Variants in LAMB1 observed in about 807,000 individuals in gnomAD.
The protein encoded by LAMB1 is laminin subunit beta 1.
A neutral mutation model predicts 222.3 loss-of-function variants in LAMB1; 121 were observed. The observed-to-expected ratio is 0.54, with a 90% CI of 0.47 to 0.63. The LOEUF is 0.63. Ranked by LOEUF, LAMB1 falls within the 30% of genes least tolerant of loss-of-function variation. The pLI is 0.00. For missense variants in LAMB1, 2,172 were observed against 2,240.8 expected, an observed-to-expected ratio of 0.97 and a Z score of 0.62; for synonymous variants, 794 against 807.2, an observed-to-expected ratio of 0.98 and a Z score of 0.28.
Position 107,940,181 on chromosome 7 carries a change from A to G in LAMB1, c.3569T>C (p.Ile1190Thr), listed in dbSNP as rs149362105. The change falls in exon 25 of 34, where the codon ATT becomes ACT. Residue 1190 changes from isoleucine (I) to threonine (T), a missense_variant. Coordinates refer to ENST00000222399, the MANE Select transcript of LAMB1 (RefSeq NM_002291.3). Reference sequence around the variant, plus strand: ...GTGTGTCCTGTTGGTCAGCTCGGCAATGATCACATCCCAGAGAGCAAAGCA... The same window carrying G: ...GTGTGTCCTGTTGGTCAGCTCGGCAGTGATCACATCCCAGAGAGCAAAGCA... ...HQCFALWDVI[I>T]AELTNRTHRF... 6.2e-6 allele frequency: 10 copies of G among 1,614,132 alleles called. No homozygotes were observed. The highest frequency in any genetic ancestry group is 8.5e-6 in the Non-Finnish European group (10 of 1,180,032).
At chr7:107,997,959 G>T (rs569563979) in intron 4 of LAMB1, among the ~76,000 whole-genome samples, 1 of 152,192 alleles carries the variant, frequency 6.6e-6, no homozygotes, top group South Asian at 2.1e-4. Context: ...AGGCAGTGGG[G>T]GGAGGAGTGG....
At chr7:107,969,315 T>C (rs1457402550) in intron 13 of LAMB1, among the ~76,000 whole-genome samples, 2 of 150,914 alleles carry the variant, frequency 1.3e-5, no homozygotes, top group Non-Finnish European at 2.9e-5. Flanking sequence ...ATCATAAATA[T>C]AGAAATTGGC....
chr7:107,967,141 A>C (rs1411966395), intron 13 of LAMB1, among the ~76,000 whole-genome samples: 1 of 152,182 alleles, frequency 6.6e-6, no homozygotes, highest in African/African-American at 2.4e-5. Flanking sequence ...ATCACCACCC[A>C]CACTGACTTC....
intron 9 of LAMB1, among the ~76,000 whole-genome samples, chr7:107,977,694 G>A (rs1383721491): frequency 6.6e-6 from 1 of 152,022 alleles, no homozygotes; most frequent in Non-Finnish European, 1.5e-5. Flanking sequence ...CAGGAGAATC[G>A]CTTGAACCTG....
In LAMB1 at chr7:107,978,222, G is replaced by A. The variant is rs1032560789; in HGVS notation, c.880-55C>T. The stretch of plus-strand genomic sequence containing the variant: ...AAGGAAGAGATGTATGAATAGCCAC[G>A]TTTCTCCATAATCAATTGAAAGTTT... On this transcript the variant is annotated intron_variant, in intron 8 of 33. Coordinates refer to ENST00000222399, the MANE Select transcript of LAMB1 (RefSeq NM_002291.3). 47 of 1,578,756 alleles carry A rather than the reference G, an allele frequency of 3.0e-5. 1 individual carries two copies. The highest frequency in any genetic ancestry group is 3.4e-4 in the Middle Eastern group (2 of 5,960).
intron 3 of LAMB1, among the ~76,000 whole-genome samples, chr7:107,998,956 G>A (rs1291476922): frequency 6.6e-6 from 1 of 152,224 alleles, no homozygotes; most frequent in Non-Finnish European, 1.5e-5. Context: ...TTAGGCAGAA[G>A]TATTTAGAGA....
Position 108,001,693 on chromosome 7 carries a change from G to A in LAMB1, c.78C>T (p.Phe26=), listed in dbSNP as rs759948040. The change falls in exon 3 of 34, where the codon TTC becomes TTT. Residue 26 remains phenylalanine (F), a synonymous_variant. Transcript: ENST00000222399. ...AGCTGCCTTCTGCGCAGCCGTAGCT[G>A]AACTCGGGTTCCTGAGCGCGCACTC... ...RARVRAQEPE[F]SYGCAEGSCY... The A allele has an allele frequency of 1.2e-6, 2 of 1,612,846 alleles. No homozygotes were observed. The highest frequency in any genetic ancestry group is 1.3e-5 in the African/African-American group (1 of 75,036).
At chr7:107,964,118 G>A (rs183810881) in intron 14 of LAMB1, among the ~76,000 whole-genome samples, 2 of 152,108 alleles carry the variant, frequency 1.3e-5, no homozygotes, top group Admixed American at 1.3e-4. Context: ...AAAAAGAAAG[G>A]TCGTGTTCGT....
At position 107,953,598 on chromosome 7, in the gene LAMB1, G is replaced by A. The variant is rs780437284; in HGVS notation, c.3011C>T (p.Thr1004Met). The A allele has an allele frequency of 1.4e-5, 22 of 1,614,016 alleles. No homozygotes were observed. The Admixed American group carries it at 1.5e-4, about 11-fold the overall frequency. ...GCAGAACTGACAGTGTTCCCCTTCC[G>A]TGTGGTACAGGCACTTGAGACACCT... Reference protein sequence around the residue: ...TGRCLKCLYHTEGEHCQFCRF... With the variant: ...TGRCLKCLYHMEGEHCQFCRF... The change falls in exon 22 of 34, where the codon ACG becomes ATG. Residue 1004 changes from threonine to methionine, a missense_variant. By Grantham distance (81) the Thr-to-Met change is moderately conservative (BLOSUM62 -1). Coordinates refer to ENST00000222399, the MANE Select transcript of LAMB1 (RefSeq NM_002291.3).
Position 107,929,166 on chromosome 7 carries a change from T to TA in LAMB1, c.4784dup (p.Glu1597GlyfsTer18). On this transcript the variant is annotated frameshift_variant, in exon 31 of 34. Transcript: ENST00000222399. LOFTEE classifies it high-confidence loss of function. ...TTTCTGCTTCTTCCAGAGCTTCCTT[T>TA]ACCATATCTGCAGTGACTTTAACAT... The TA allele has an allele frequency of 6.2e-7, 1 of 1,614,050 alleles. No individual in the cohort carries two copies. Among genetic ancestry groups the TA allele is most frequent in the South Asian group, 1.1e-5 (1 of 91,078 alleles).
intron 24 of LAMB1, among the ~76,000 whole-genome samples, chr7:107,943,004 T>C (rs1447323518): frequency 1.3e-5 from 2 of 152,212 alleles, no homozygotes; most frequent in Non-Finnish European, 2.9e-5. Flanking sequence ...GGGTGTATGC[T>C]TTTCAAAAAA....
intron 13 of LAMB1, among the ~76,000 whole-genome samples, chr7:107,967,781 CT>C (rs1361174458): frequency 6.6e-6 from 1 of 152,124 alleles, no homozygotes; most frequent in Non-Finnish European, 1.5e-5. Context: ...TAGTCCCTGT[CT>C]TCAAGAACTT....
intron 3 of LAMB1, chr7:108,000,007 T>G (rs1487060239): frequency 6.6e-6 from 1 of 152,108 alleles, no homozygotes; most frequent in African/African-American, 2.4e-5. Context: ...ATACAAACAG[T>G]GTGATTCTCA....
chr7:107,972,886 A>C, intron 13 of LAMB1, 106 bp downstream of exon 13: 2 of 891,956 alleles, frequency 2.2e-6, no homozygotes, highest in Non-Finnish European at 3.8e-6. Flanking sequence ...ACATACAAAA[A>C]ATATTTTGCA....
In LAMB1 at chr7:107,937,234, C is replaced by T. The variant is rs1562977576; in HGVS notation, c.3805G>A (p.Val1269Met). Residue 1269 changes from valine to methionine, a missense_variant, in exon 26 of 34, where the codon GTG becomes ATG. Coordinates refer to ENST00000222399, the MANE Select transcript of LAMB1 (RefSeq NM_002291.3). The stretch of plus-strand genomic sequence containing the variant: ...TGGGAAGTTGTGTCAGATAATTTCA[C>T]TTCTACTTGAGCCATCATTTCTGTA... ...DVTEMMAQVEVKLSDTTSQSN... is the reference protein window; with the variant it reads ...DVTEMMAQVEMKLSDTTSQSN... 1 of 1,613,882 alleles carries T rather than the reference C, an allele frequency of 6.2e-7. No individual in the cohort carries two copies. Among genetic ancestry groups the T allele is most frequent in the South Asian group, 1.1e-5 (1 of 91,092 alleles).
chr7:107,997,610 C>T (rs1044000206), intron 4 of LAMB1, among the ~76,000 whole-genome samples: 2 of 152,048 alleles, frequency 1.3e-5, no homozygotes, highest in African/African-American at 4.8e-5. Context: ...TTTGAGGATA[C>T]TTATTTATTT....
At chr7:107,954,542 A>G (rs554320912) in intron 21 of LAMB1, among the ~76,000 whole-genome samples, 13 of 152,212 alleles carry the variant, frequency 8.5e-5, no homozygotes, top group African/African-American at 2.9e-4. Flanking sequence ...TGGGAGGCCG[A>G]GGTGGGTGGA....
At position 107,935,347 on chromosome 7, in the gene LAMB1, G is replaced by GTTTTTTTTTTTTTTTTTTTTTTTTT. The variant is rs200599445; in HGVS notation, c.4188+43_4188+67dup. On this transcript the variant is annotated intron_variant, in intron 27 of 33. Coordinates refer to ENST00000222399, the MANE Select transcript of LAMB1 (RefSeq NM_002291.3). ...GACAAAAGATGGTTTGTTTTTCTTT[G>GTTTTTTTTTTTTTTTTTTTTTTTTT]TTTTTTTTTTTTTTTTTTTTTTTTT... 1.1e-5 allele frequency: 13 copies of GTTTTTTTTTTTTTTTTTTTTTTTTT among 1,173,272 alleles called. 1 individual carries two copies. The African/African-American group carries it at 3.1e-4, about 28-fold the overall frequency. The allele number at this position is 1,173,272 out of a possible 1,614,324, so 72.7% of individuals were successfully genotyped here. A position where few individuals can be genotyped will look rare whatever the true frequency, so the allele number is the denominator to read the frequency against.
intron 5 of LAMB1, among the ~76,000 whole-genome samples, chr7:107,991,129 C>A (rs2034173219): frequency 6.6e-6 from 1 of 151,854 alleles, no homozygotes; most frequent in Non-Finnish European, 1.5e-5. Context: ...CTGGCATAAA[C>A]AAAAATAAAG....
Sources: allele counts gnomAD v4.1 joint callset (sites outside exome capture counted in the v4.1 genomes callset), GRCh38; gene constraint gnomAD v4.1.1; transcripts MANE v1.5; gene names NCBI Gene and HGNC (gene_info 2026-07-23, HGNC 2026-07-21).